Variants in PPIL1 observed in about 807,000 individuals in gnomAD.
PPIL1 encodes peptidyl-prolyl cis-trans isomerase-like 1.
In PPIL1, 14 loss-of-function variants were observed where a neutral mutation model predicts 19.4. The observed-to-expected ratio is 0.72, with a 90% CI of 0.48 to 1.13. PPIL1 has a LOEUF of 1.13. PPIL1 is among the 50% of genes most tolerant of loss of function. The pLI, the probability that PPIL1 is intolerant of heterozygous loss-of-function variation, is 0.00. For missense variants in PPIL1, 192 were observed against 218.0 expected, an observed-to-expected ratio of 0.88 and a Z score of 0.75; for synonymous variants, 72 against 73.6, an observed-to-expected ratio of 0.98 and a Z score of 0.11.
At chr6:36,865,355 C>T (rs1774372525) in intron 2 of PPIL1, among the ~76,000 whole-genome samples, 1 of 152,162 alleles carries the variant, frequency 6.6e-6, no homozygotes, top group African/African-American at 2.4e-5. Flanking sequence ...ATTAACTGGC[C>T]CCAAACTGCT....
chr6:36,856,554 T>C, intron 3 of PPIL1, 32 bp downstream of exon 3: 1 of 1,591,686 alleles, frequency 6.3e-7, no homozygotes, highest in Non-Finnish European at 8.6e-7. Context: ...AAATCCCCGT[T>C]CCTACCCAGT....
chr6:36,855,457 G>A lies in PPIL1; in HGVS notation c.*356C>T, dbSNP rs1229944955. 6.7e-6 allele frequency: 2 copies of A among 300,032 alleles called. No individual in the cohort carries two copies. The highest frequency in any genetic ancestry group is 1.3e-5 in the Non-Finnish European group (2 of 152,902). The allele number at this position is 300,032 out of a possible 1,614,324, so 18.6% of individuals were successfully genotyped here. Reference sequence around the variant, plus strand: ...TAGGCCAGAATATAAATCTCCTTAGGAAGAAGTTTGGTTAGGCAAAACCAC... The same window carrying A: ...TAGGCCAGAATATAAATCTCCTTAGAAAGAAGTTTGGTTAGGCAAAACCAC... On this transcript the variant is annotated 3_prime_UTR_variant, in exon 4 of 4. Coordinates refer to ENST00000373699, the MANE Select transcript of PPIL1 (RefSeq NM_016059.5).
chr6:36,858,997 C>G (rs11967202), intron 2 of PPIL1, among the ~76,000 whole-genome samples: 1,956 of 152,226 alleles, frequency 0.013, 28 homozygotes, highest in African/African-American at 0.035. Flanking sequence ...AGTCTGTGGC[C>G]TGAGCTTCAA....
chr6:36,855,513 G>A lies in PPIL1; in HGVS notation c.*300C>T, dbSNP rs992144354. 2.3e-5 allele frequency: 8 copies of A among 354,256 alleles called. No individual in the cohort carries two copies. The highest frequency in any genetic ancestry group is 6.0e-5 in the East Asian group (1 of 16,580). 21.9% of individuals were successfully genotyped at this position (354,256 alleles called of 1,614,324 possible). A position where few individuals can be genotyped will look rare whatever the true frequency, so the allele number is the denominator to read the frequency against. Reference sequence around the variant, plus strand: ...AATGACAGTGGCTGCTACATTGTTCGACGTATATCAGAGCAGACATGCACA... The same window carrying A: ...AATGACAGTGGCTGCTACATTGTTCAACGTATATCAGAGCAGACATGCACA... On this transcript the variant is annotated 3_prime_UTR_variant, in exon 4 of 4. Coordinates refer to ENST00000373699, the MANE Select transcript of PPIL1 (RefSeq NM_016059.5).
At chr6:36,862,342 G>A (rs1046444160) in intron 2 of PPIL1, among the ~76,000 whole-genome samples, 3 of 152,136 alleles carry the variant, frequency 2.0e-5, no homozygotes, top group Admixed American at 6.5e-5. Flanking sequence ...GTAGTCTCCT[G>A]AGCATCCCCA....
chr6:36,871,518 T>C (rs1017478572), intron 2 of PPIL1, among the ~76,000 whole-genome samples, 200 bp downstream of exon 2: 3 of 152,208 alleles, frequency 2.0e-5, no homozygotes, highest in Non-Finnish European at 4.4e-5. Context: ...TTCTGGTCAA[T>C]TCCACACATG....
Position 36,866,171 on chromosome 6 carries a change from T to C in PPIL1, c.211+5547A>G, listed in dbSNP as rs562322213. 1.2e-4 allele frequency among the ~76,000 whole-genome samples: 19 copies of C among 152,324 alleles called. No individual in the cohort carries two copies. In the South Asian group the frequency reaches 3.9e-3, roughly 32 times the overall value. ...CTCAGAGGGCTAAGGAAAGAGCCTCTATAGTTATTATAATATGGGAAAGTT... is the reference window on the plus strand; with the variant it reads ...CTCAGAGGGCTAAGGAAAGAGCCTCCATAGTTATTATAATATGGGAAAGTT... On this transcript the variant is annotated intron_variant, in intron 2 of 3. Coordinates refer to ENST00000373699, the MANE Select transcript of PPIL1 (RefSeq NM_016059.5).
intron 2 of PPIL1, among the ~76,000 whole-genome samples, chr6:36,863,014 C>CA (rs1194718524): frequency 6.6e-6 from 1 of 152,180 alleles, no homozygotes; most frequent in African/African-American, 2.4e-5. Flanking sequence ...CCCCTGTCTG[C>CA]AAAATGGGAG....
intron 2 of PPIL1, among the ~76,000 whole-genome samples, chr6:36,870,592 T>C (rs1774489071): frequency 6.6e-6 from 1 of 152,204 alleles, no homozygotes; most frequent in Non-Finnish European, 1.5e-5. Flanking sequence ...CCTACATCTA[T>C]TCTCTAAACA....
At chr6:36,866,307 T>A (rs967435211) in intron 2 of PPIL1, among the ~76,000 whole-genome samples, 1 of 152,170 alleles carries the variant, frequency 6.6e-6, no homozygotes, top group African/African-American at 2.4e-5. Context: ...AAAGAATGGT[T>A]CCACAGTAGT....
intron 1 of PPIL1, 122 bp downstream of exon 1, chr6:36,874,595 C>A: frequency 7.5e-7 from 1 of 1,340,182 alleles, no homozygotes; most frequent in Non-Finnish European, 1.0e-6. Context: ...GTCTCGGCCG[C>A]TGCTCCACGC....
intron 2 of PPIL1, among the ~76,000 whole-genome samples, chr6:36,861,371 T>C (rs1167394301): frequency 6.6e-6 from 1 of 152,178 alleles, no homozygotes; most frequent in Non-Finnish European, 1.5e-5. Context: ...CTCAGTGGTA[T>C]GACATTTTGG....
chr6:36,864,491 T>C (rs901951335), intron 2 of PPIL1, among the ~76,000 whole-genome samples: 3 of 152,158 alleles, frequency 2.0e-5, no homozygotes, highest in Non-Finnish European at 2.9e-5. Context: ...CTTCATTTCA[T>C]TCAGAACTAT....
At chr6:36,872,145 T>C (rs1774523782) in intron 1 of PPIL1, among the ~76,000 whole-genome samples, 1 of 152,032 alleles carries the variant, frequency 6.6e-6, no homozygotes, top group Admixed American at 6.6e-5. Context: ...TATACATATA[T>C]ACATATGTAT....
intron 2 of PPIL1, among the ~76,000 whole-genome samples, chr6:36,869,451 C>T (rs992570785): frequency 1.3e-5 from 2 of 152,110 alleles, no homozygotes; most frequent in Non-Finnish European, 2.9e-5. Flanking sequence ...TGCCAACATG[C>T]TATCTCTTTT....
chr6:36,861,388 T>C (rs1381749742), intron 2 of PPIL1, among the ~76,000 whole-genome samples: 5 of 152,174 alleles, frequency 3.3e-5, no homozygotes, highest in African/African-American at 1.2e-4. Flanking sequence ...TTGGAATTGA[T>C]ACATACAGTC....
chr6:36,864,596 T>C (rs1490160244), intron 2 of PPIL1, among the ~76,000 whole-genome samples: 2 of 152,174 alleles, frequency 1.3e-5, no homozygotes, highest in East Asian at 3.9e-4. Context: ...GGGAGTGATT[T>C]TGACCCCTGG....
rs928372691 is a variant in PPIL1 at position 36,855,050 on chromosome 6, A to G, written c.*763T>C. The G allele has an allele frequency of 6.6e-6, 1 of 152,644 alleles. No homozygotes were observed. The highest frequency in any genetic ancestry group is 1.5e-5 in the Non-Finnish European group (1 of 68,038). 9.5% of individuals were successfully genotyped at this position (152,644 alleles called of 1,614,324 possible). ...GAGTACTACTTCTCAAGGAGGATTC[A>G]TGGTCTGTCCTTTGCTCACTACAGA... On this transcript the variant is annotated 3_prime_UTR_variant, in exon 4 of 4. Transcript: ENST00000373699.
intron 2 of PPIL1, among the ~76,000 whole-genome samples, chr6:36,870,561 A>G (rs939155660): frequency 6.6e-6 from 1 of 152,218 alleles, no homozygotes; most frequent in Non-Finnish European, 1.5e-5. Context: ...ACAACTATTT[A>G]CATAGTGTTT....
Sources: gnomAD v4.1 joint callset for allele counts (sites outside exome capture counted in the v4.1 genomes callset) on GRCh38, gnomAD v4.1.1 for gene constraint, MANE v1.5 for transcripts, NCBI Gene and HGNC (gene_info 2026-07-23, HGNC 2026-07-21) for gene names.